The following PTGR2 variants were observed in gnomAD, a reference collection of about 807,000 sequenced individuals.
The protein encoded by PTGR2 is 15-oxoprostaglandin 13-reductase.
In PTGR2, 32 loss-of-function variants were observed where a neutral mutation model predicts 43.4. The observed-to-expected ratio is 0.74, with a 90% CI of 0.56 to 0.99. PTGR2 has a LOEUF of 0.99. Ranked by LOEUF, PTGR2 falls within the 50% of genes least tolerant of loss-of-function variation. The pLI, the probability that PTGR2 is intolerant of heterozygous loss-of-function variation, is 0.00. For synonymous variants in PTGR2, 106 were observed against 139.2 expected, an observed-to-expected ratio of 0.76 and a Z score of 1.68; for missense variants, 373 against 420.0, an observed-to-expected ratio of 0.89 and a Z score of 0.98.
At chr14:73,876,520 C>T (rs529189743) in intron 4 of PTGR2, among the ~76,000 whole-genome samples, 3 of 119,398 alleles carry the variant, frequency 2.5e-5, no homozygotes, top group East Asian at 3.0e-4. Context: ...CTAACTCTGT[C>T]GCCCAGGCTG....
intron 2 of PTGR2, among the ~76,000 whole-genome samples, chr14:73,859,366 T>C (rs1328176298): frequency 6.6e-6 from 1 of 152,110 alleles, no homozygotes; most frequent in Non-Finnish European, 1.5e-5. Context: ...TCACTTAACT[T>C]TTCTGAACTC....
chr14:73,882,283 ATATC>A lies in PTGR2; in HGVS notation c.940-112_940-109del, dbSNP rs1289147920. The A allele has an allele frequency of 2.8e-5, 19 of 668,428 alleles. No homozygotes were observed. In the Admixed American group the frequency reaches 3.8e-4, roughly 13 times the overall value. 41.4% of individuals were successfully genotyped at this position (668,428 alleles called of 1,614,324 possible). Reference sequence around the variant, plus strand: ...CTGGGCTACCTACATGAAATAAAGAATATCTATTTTTAGACAAAGTGCTAAATAG... The same window carrying A: ...CTGGGCTACCTACATGAAATAAAGAATATTTTTAGACAAAGTGCTAAATAG... On this transcript the variant is annotated intron_variant, in intron 8 of 9. Transcript: ENST00000555661.
rs2054469190 is a variant in PTGR2, at chr14:73,860,669, G to A, written c.156+12G>A. ...TGGATCCTTACATGGTAAGAATCAG[G>A]ATGTTGTAACTTGGTGAAAAATAAC... On this transcript the variant is annotated intron_variant, in intron 3 of 9. Coordinates refer to ENST00000555661, the MANE Select transcript of PTGR2 (RefSeq NM_001146154.2). The A allele has an allele frequency of 1.7e-6, 2 of 1,188,728 alleles. No individual in the cohort carries two copies. The highest frequency in any genetic ancestry group is 2.5e-6 in the Non-Finnish European group (2 of 814,408). The allele number at this position is 1,188,728 out of a possible 1,614,324, so 73.6% of individuals were successfully genotyped here.
intron 2 of PTGR2, among the ~76,000 whole-genome samples, chr14:73,859,683 T>C (rs2054440393): frequency 6.6e-6 from 1 of 151,916 alleles, no homozygotes; most frequent in Non-Finnish European, 1.5e-5. Flanking sequence ...GACTTTATTA[T>C]TATTACTTTT....
intron 3 of PTGR2, among the ~76,000 whole-genome samples, chr14:73,862,862 C>G (rs1179150908): frequency 6.6e-6 from 1 of 151,970 alleles, no homozygotes; most frequent in East Asian, 1.9e-4. Flanking sequence ...TATGCACCAC[C>G]ACACCCGGCT....
chr14:73,882,157 C>T (rs1427566030), intron 8 of PTGR2, among the ~76,000 whole-genome samples: 1 of 152,054 alleles, frequency 6.6e-6, no homozygotes, highest in Admixed American at 6.6e-5. Context: ...TGTTCTTTTT[C>T]TGTTTTAGAG....
intron 1 of PTGR2, among the ~76,000 whole-genome samples, chr14:73,855,376 A>G (rs1384657605): frequency 1.3e-5 from 2 of 152,204 alleles, no homozygotes; most frequent in African/African-American, 2.4e-5. Flanking sequence ...ATAACATTAT[A>G]ATGGAATTGA....
chr14:73,872,174 T>C (rs2054750759), intron 3 of PTGR2, among the ~76,000 whole-genome samples: 1 of 152,158 alleles, frequency 6.6e-6, no homozygotes, highest in African/African-American at 2.4e-5. Flanking sequence ...AGCCTTCCTC[T>C]TGAGATGGGG....
chr14:73,880,598 A>AC lies in PTGR2; in HGVS notation c.851+422_851+423insC, dbSNP rs1566642812. ...CCATCTCAAAAAAACAAAAAAAAAA[A>AC]AACAAAAAAAAACCTTTAAAATACA... On this transcript the variant is annotated intron_variant, in intron 7 of 9. Transcript: ENST00000555661. 4.9e-3 allele frequency among the ~76,000 whole-genome samples: 660 copies of AC among 133,688 alleles called. 6 individuals carry two copies. Among genetic ancestry groups the AC allele is most frequent in the African/African-American group, 0.016 (639 of 38,750 alleles). The allele number at this position is 133,688 out of a possible 152,430, so 87.7% of individuals were successfully genotyped here.
Position 73,860,530 on chromosome 14 carries a change from A to C in PTGR2, c.38-9A>C. 1 of 1,378,674 alleles carries C rather than the reference A, an allele frequency of 7.3e-7. No homozygotes were observed. 85.4% of individuals were successfully genotyped at this position (1,378,674 alleles called of 1,614,324 possible). On this transcript the variant is annotated splice_polypyrimidine_tract_variant and intron_variant, in intron 2 of 9. Coordinates refer to ENST00000555661, the MANE Select transcript of PTGR2 (RefSeq NM_001146154.2). ...TTTTTTAACTTTATATTTTTGCATA[A>C]TATTTTAGGAAAAAATGGTAATCCA...
At chr14:73,879,813 A>T in intron 6 of PTGR2, 1 of 450,270 alleles carries the variant, frequency 2.2e-6, no homozygotes, top group Non-Finnish European at 4.1e-6. Context: ...ACTAATAAGT[A>T]GCAACAACAA....
chr14:73,867,005 T>G (rs2054610003), intron 3 of PTGR2, among the ~76,000 whole-genome samples: 1 of 149,518 alleles, frequency 6.7e-6, no homozygotes, highest in Admixed American at 6.7e-5. Context: ...AAGAGAATTG[T>G]TTGAACCCGG....
chr14:73,864,364 C>CCGAA, intron 3 of PTGR2, among the ~76,000 whole-genome samples: 1 of 152,180 alleles, frequency 6.6e-6, no homozygotes, highest in African/African-American at 2.4e-5. Flanking sequence ...TGAGGAACTA[C>CCGAA]CGAACTATTT....
chr14:73,883,374 T>G (rs1389028270), intron 9 of PTGR2, among the ~76,000 whole-genome samples: 2 of 137,336 alleles, frequency 1.5e-5, no homozygotes, highest in African/African-American at 5.3e-5. Context: ...TTTTTTTTTT[T>G]AATTTTCCAT....
chr14:73,855,771 A>G (rs1278247979), intron 1 of PTGR2, among the ~76,000 whole-genome samples: 1 of 145,948 alleles, frequency 6.9e-6, no homozygotes, highest in Non-Finnish European at 1.5e-5. Context: ...TAAGAAATTT[A>G]GTGGGGCCGG....
At chr14:73,861,805 G>A (rs564080503) in intron 3 of PTGR2, 3 of 151,826 alleles carry the variant, frequency 2.0e-5, no homozygotes, top group African/African-American at 7.3e-5. Flanking sequence ...TGTCTGTTTT[G>A]TTAACTGTTT....
intron 1 of PTGR2, 49 bp downstream of exon 1, chr14:73,851,992 T>A (rs1278629084): frequency 3.9e-5 from 6 of 152,186 alleles, no homozygotes; most frequent in Non-Finnish European, 4.4e-5. Context: ...CGAAGCTGCT[T>A]CGGGCCCCAG....
chr14:73,871,472 T>C (rs1471320465), intron 3 of PTGR2, among the ~76,000 whole-genome samples: 3 of 151,792 alleles, frequency 2.0e-5, no homozygotes, highest in Non-Finnish European at 4.4e-5. Flanking sequence ...TAAATGTGAG[T>C]AAAGTATTTC....
At chr14:73,875,764 G>T in intron 4 of PTGR2, among the ~76,000 whole-genome samples, 1 of 150,654 alleles carries the variant, frequency 6.6e-6, no homozygotes. Context: ...CCCATACTTG[G>T]GGCATTAACA....
Sources: allele counts gnomAD v4.1 joint callset (sites outside exome capture counted in the v4.1 genomes callset), GRCh38; gene constraint gnomAD v4.1.1; transcripts MANE v1.5; gene names NCBI Gene and HGNC (gene_info 2026-07-23, HGNC 2026-07-21).